MICAL3: variants seen among roughly 807,000 people sequenced by gnomAD.
MICAL3 encodes microtubule associated monooxygenase, calponin and LIM domain containing 3.
Under a neutral mutation model 207.4 loss-of-function variants are expected in MICAL3, and 62 were observed. The observed-to-expected ratio is 0.30, with a 90% confidence interval of 0.24 to 0.37. The LOEUF (loss-of-function observed/expected upper bound fraction) is 0.37. Ranked by LOEUF, MICAL3 falls within the 10% of genes least tolerant of loss-of-function variation. The pLI is 1.00. For missense variants in MICAL3, 2,368 were observed against 2,635.6 expected (o/e 0.90, Z 2.22); for synonymous variants, 1,077 against 1,069.3 (o/e 1.01, Z -0.14).
intron 24 of MICAL3, among the ~76,000 whole-genome samples, chr22:17,821,719 C>A (rs543548068): frequency 5.3e-5 from 8 of 152,322 alleles, no homozygotes; most frequent in African/African-American, 1.9e-4. Context: ...TGCAGGTGCT[C>A]CTGTCAACAC....
chr22:17,835,955 G>C (rs1923313452), intron 20 of MICAL3, among the ~76,000 whole-genome samples: 1 of 152,238 alleles, frequency 6.6e-6, no homozygotes, highest in African/African-American at 2.4e-5. Flanking sequence ...AGAGATGTCA[G>C]AGGTTGCACC....
intron 1 of MICAL3, among the ~76,000 whole-genome samples, chr22:17,990,817 C>T (rs1387624906): frequency 1.3e-5 from 2 of 152,276 alleles, no homozygotes; most frequent in East Asian, 3.9e-4. Flanking sequence ...TATTATGAAG[C>T]GGACTCCTGA....
rs140545692 is a variant in MICAL3 at position 17,846,895 on chromosome 22, G to A, written c.2606-4878C>T. ...CAGGATCTGGGCCATATCCTAAATAGGAAAGAGGCTCTGGGCCGCACCTCA... is the reference window on the plus strand; with the variant it reads ...CAGGATCTGGGCCATATCCTAAATAAGAAAGAGGCTCTGGGCCGCACCTCA... On this transcript the variant is annotated intron_variant, in intron 19 of 31. Coordinates refer to ENST00000441493, the MANE Select transcript of MICAL3 (RefSeq NM_015241.3). Among the ~76,000 whole-genome samples the A allele has an allele frequency of 5.0e-3, 756 of 152,314 alleles. 2 individuals carry two copies. Among genetic ancestry groups the A allele is most frequent in the African/African-American group, 0.017 (721 of 41,562 alleles).
At chr22:18,002,651 TA>T (rs1404288941) in intron 1 of MICAL3, among the ~76,000 whole-genome samples, 4 of 151,168 alleles carry the variant, frequency 2.6e-5, no homozygotes, top group African/African-American at 9.7e-5. Flanking sequence ...AAAACGAAAA[TA>T]TAGAGCGAAT....
intron 2 of MICAL3, 129 bp downstream of exon 2, chr22:17,906,420 C>T: frequency 1.3e-6 from 2 of 1,567,536 alleles, no homozygotes; most frequent in Non-Finnish European, 1.8e-6. Flanking sequence ...TGGCACAGAA[C>T]TTGCCATAGA....
chr22:17,888,578 T>C (rs1318916171), intron 13 of MICAL3, among the ~76,000 whole-genome samples: 1 of 152,048 alleles, frequency 6.6e-6, no homozygotes. Context: ...AGCAAGTGCA[T>C]GAGAGATGGG....
intron 1 of MICAL3, among the ~76,000 whole-genome samples, chr22:18,012,423 T>C (rs750663807): frequency 6.6e-6 from 1 of 152,114 alleles, no homozygotes; most frequent in Non-Finnish European, 1.5e-5. Flanking sequence ...GGACCCTCTT[T>C]CAAACTTTTG....
In MICAL3 at chr22:17,862,486, T is replaced by G. The variant is rs142392880; in HGVS notation, c.2605+2413A>C. On this transcript the variant is annotated intron_variant, in intron 19 of 31. Coordinates refer to ENST00000441493, the MANE Select transcript of MICAL3 (RefSeq NM_015241.3). ...TGTGTTAGCCAGGATGGTCTCGATC[T>G]CCTGACCTCGTGATCTGCCCGCCTC... is the stretch of plus-strand genomic sequence containing the variant. 2.4e-3 allele frequency: 1,621 copies of G among 665,562 alleles called. 4 individuals are homozygous for G. Among genetic ancestry groups the G allele is most frequent in the Middle Eastern group, 0.019 (25 of 1,336 alleles). The allele number at this position is 665,562 out of a possible 1,614,324, so 41.2% of individuals were successfully genotyped here.
At chr22:17,956,668 G>A (rs1482731404) in intron 1 of MICAL3, among the ~76,000 whole-genome samples, 2 of 152,138 alleles carry the variant, frequency 1.3e-5, no homozygotes, top group Admixed American at 1.3e-4. Context: ...CCTGCACTGC[G>A]ACTACGACTT....
chr22:17,976,354 A>C (rs530400501), intron 1 of MICAL3, among the ~76,000 whole-genome samples: 164 of 152,128 alleles, frequency 1.1e-3, no homozygotes, highest in African/African-American at 3.9e-3. Flanking sequence ...GGGAAACAGC[A>C]CTGCCCGATT....
At chr22:17,887,988 T>C (rs1930078619) in intron 13 of MICAL3, among the ~76,000 whole-genome samples, 1 of 152,210 alleles carries the variant, frequency 6.6e-6, no homozygotes, top group African/African-American at 2.4e-5. Flanking sequence ...CAAGAATATA[T>C]GGGCTGGAAA....
chr22:17,847,432 C>T (rs1488094837), intron 19 of MICAL3, among the ~76,000 whole-genome samples: 1 of 152,100 alleles, frequency 6.6e-6, no homozygotes, highest in East Asian at 1.9e-4. Flanking sequence ...GTTCATTCAT[C>T]CAATCACTGA....
At chr22:17,951,029 G>A (rs1934323493) in intron 1 of MICAL3, among the ~76,000 whole-genome samples, 1 of 152,172 alleles carries the variant, frequency 6.6e-6, no homozygotes, top group Non-Finnish European at 1.5e-5. Flanking sequence ...CGGGTCTTCC[G>A]GGAGAAGGGC....
chr22:17,924,917 G>C (rs750647856), intron 1 of MICAL3, among the ~76,000 whole-genome samples: 18 of 152,266 alleles, frequency 1.2e-4, no homozygotes, highest in Admixed American at 3.3e-4. Context: ...TTCCATCCCT[G>C]CTGGCAACAG....
rs185943705 is a variant in MICAL3 at position 17,898,081 on chromosome 22, C to T, written c.949-1100G>A. Among the ~76,000 whole-genome samples, 770 of 148,768 alleles carry T rather than the reference C, an allele frequency of 5.2e-3. 21 individuals carry two copies. Among genetic ancestry groups the T allele is most frequent in the Admixed American group, 0.048 (712 of 14,824 alleles). On this transcript the variant is annotated intron_variant, in intron 7 of 31. Transcript: ENST00000441493. ...CATGGGTTTACTATTTAACAGCATACACCAAAGGCATGGCCCCTGCCCTCT... is the reference window on the plus strand; with the variant it reads ...CATGGGTTTACTATTTAACAGCATATACCAAAGGCATGGCCCCTGCCCTCT...
chr22:17,916,526 A>G (rs1449507330), intron 1 of MICAL3, among the ~76,000 whole-genome samples: 1 of 152,238 alleles, frequency 6.6e-6, no homozygotes, highest in East Asian at 1.9e-4. Context: ...ACCTCCAACA[A>G]GTAGACCTTG....
chr22:17,864,843 G>A (rs369885730), intron 19 of MICAL3, 56 bp downstream of exon 19: 85 of 1,613,820 alleles, frequency 5.3e-5, no homozygotes, highest in Non-Finnish European at 7.0e-5. Flanking sequence ...CCTTGGCCTT[G>A]TCACAGAGGC....
intron 1 of MICAL3, 130 bp from the exon 2 acceptor site, chr22:17,907,016 T>C (rs922843309): frequency 4.1e-5 from 21 of 514,546 alleles, no homozygotes; most frequent in African/African-American, 3.8e-4. Flanking sequence ...ACTGCACACC[T>C]GCAATACTCC....
At chr22:17,923,205 G>C (rs1368390093) in intron 1 of MICAL3, among the ~76,000 whole-genome samples, 2 of 152,184 alleles carry the variant, frequency 1.3e-5, no homozygotes, top group African/African-American at 4.8e-5. Flanking sequence ...GCAGGGTCTT[G>C]AAAGTCCACA....
Sources: allele counts gnomAD v4.1 joint callset (sites outside exome capture counted in the v4.1 genomes callset), GRCh38; gene constraint gnomAD v4.1.1; transcripts MANE v1.5; gene names NCBI Gene and HGNC (gene_info 2026-07-23, HGNC 2026-07-21).